Variants in CLDN10 observed in about 807,000 individuals in gnomAD.
CLDN10 encodes the protein claudin-10.
A neutral mutation model predicts 22.9 loss-of-function variants in CLDN10; 15 were observed. The observed-to-expected ratio is 0.65, with a 90% CI of 0.44 to 1.01. CLDN10 has a LOEUF of 1.01. CLDN10 is among the 50% of genes least tolerant of loss of function. The pLI is 0.00. For missense variants in CLDN10, 247 were observed against 287.8 expected, an observed-to-expected ratio of 0.86 and a Z score of 1.03; for synonymous variants, 114 against 111.4, an observed-to-expected ratio of 1.02 and a Z score of -0.15.
chr13:95,466,110 A>AAATAAAT (rs2042579299), intron 1 of CLDN10, among the ~76,000 whole-genome samples: 1 of 151,760 alleles, frequency 6.6e-6, no homozygotes, highest in African/African-American at 2.4e-5. Context: ...TTTACTATTA[A>AAATAAAT]AAATAGTGGT....
chr13:95,552,603 G>T (rs1594606630), upstream of CLDN10: 5 of 961,370 alleles, frequency 5.2e-6, no homozygotes, highest in East Asian at 1.6e-4. Flanking sequence ...GAGGGGTCGC[G>T]TGCGCCCCCT....
intron 1 of CLDN10, among the ~76,000 whole-genome samples, chr13:95,518,346 G>T (rs917869223): frequency 8.5e-5 from 13 of 152,118 alleles, no homozygotes; most frequent in South Asian, 2.1e-4. Flanking sequence ...AAAAACTGAT[G>T]ATCTAAGTCA....
chr13:95,560,241 T>C lies in CLDN10; in HGVS notation c.330T>C (p.Asp110=), dbSNP rs749359616. The change falls in exon 2 of 5, where the codon GAT becomes GAC. Residue 110 remains aspartate (D), a synonymous_variant. Transcript: ENST00000299339. ...GMKCTKVGGS[D]KAKAKIACLA... ...AGTGTACCAAAGTCGGAGGCTCCGA[T>C]AAAGCCAAAGCTAAAATTGCTTGTT... 9.3e-6 allele frequency: 15 copies of C among 1,614,228 alleles called. No homozygotes were observed. Among genetic ancestry groups the C allele is most frequent in the African/African-American group, 1.3e-5 (1 of 75,072 alleles).
At chr13:95,526,773 G>A (rs2043285679) in intron 1 of CLDN10, among the ~76,000 whole-genome samples, 1 of 146,308 alleles carries the variant, frequency 6.8e-6, no homozygotes, top group South Asian at 2.2e-4. Flanking sequence ...GGCAATAAGA[G>A]TGAAATTCCA....
intron 4 of CLDN10, 40 bp from the exon 5 acceptor site, chr13:95,577,860 G>A (rs1174514507): frequency 1.5e-6 from 2 of 1,355,740 alleles, no homozygotes; most frequent in South Asian, 1.2e-5. Flanking sequence ...TTTGCCCTAT[G>A]TGTAGAATAG....
At chr13:95,517,830 A>G (rs1045659373) in intron 1 of CLDN10, among the ~76,000 whole-genome samples, 2 of 148,846 alleles carry the variant, frequency 1.3e-5, no homozygotes, top group Non-Finnish European at 3.0e-5. Flanking sequence ...GCTACTCAGG[A>G]GGGTAAGGCA....
upstream of CLDN10, among the ~76,000 whole-genome samples, chr13:95,552,496 C>T (rs2043576968): frequency 6.6e-6 from 1 of 152,014 alleles, no homozygotes; most frequent in African/African-American, 2.4e-5. Context: ...GCAGGCCGGC[C>T]TTCCTCCCGC....
At chr13:95,568,084 T>A (rs1235972998) in intron 3 of CLDN10, among the ~76,000 whole-genome samples, 1 of 152,212 alleles carries the variant, frequency 6.6e-6, no homozygotes, top group African/African-American at 2.4e-5. Context: ...GGTGACCTTG[T>A]CAAGATGTTT....
At chr13:95,541,016 C>A (rs892255417) in intron 1 of CLDN10, among the ~76,000 whole-genome samples, 1 of 152,236 alleles carries the variant, frequency 6.6e-6, no homozygotes, top group African/African-American at 2.4e-5. Flanking sequence ...GGAATGGCCA[C>A]GTGGCCCAGT....
intron 1 of CLDN10, among the ~76,000 whole-genome samples, chr13:95,453,108 A>G (rs1566278211): frequency 6.6e-6 from 1 of 152,066 alleles, no homozygotes; most frequent in African/African-American, 2.4e-5. Flanking sequence ...TATTTTTGTA[A>G]AAGTTATTGT....
rs1024376227 is a variant in CLDN10, at chr13:95,578,343, G to A, written c.*329G>A. On this transcript the variant is annotated 3_prime_UTR_variant, in exon 5 of 5. Coordinates refer to ENST00000299339, the MANE Select transcript of CLDN10 (RefSeq NM_006984.5). ...CCTTTTTAATCATTCATAGATAGAA[G>A]TCTTTGTACCCACTCCTTATGTTTC... 5.9e-6 allele frequency: 1 copy of A among 169,684 alleles called. No homozygotes were observed. Among genetic ancestry groups the A allele is most frequent in the Non-Finnish European group, 1.3e-5 (1 of 79,658 alleles). The allele number at this position is 169,684 out of a possible 1,614,324, so 10.5% of individuals were successfully genotyped here. A position where few individuals can be genotyped will look rare whatever the true frequency, so the allele number is the denominator to read the frequency against.
chr13:95,455,818 C>T (rs2042477493), intron 1 of CLDN10, among the ~76,000 whole-genome samples: 1 of 152,154 alleles, frequency 6.6e-6, no homozygotes, highest in South Asian at 2.1e-4. Flanking sequence ...AACTAAAAAT[C>T]TCCCAGTGAG....
At chr13:95,490,126 T>C (rs1018162939) in intron 1 of CLDN10, among the ~76,000 whole-genome samples, 2 of 152,204 alleles carry the variant, frequency 1.3e-5, no homozygotes, top group Admixed American at 6.6e-5. Context: ...TATGGCTTTA[T>C]AGTATAGTTT....
chr13:95,553,071 A>C, intron 1 of CLDN10, 98 bp downstream of exon 1: 1 of 1,487,394 alleles, frequency 6.7e-7, no homozygotes, highest in Non-Finnish European at 9.0e-7. Flanking sequence ...GGACCCCTAG[A>C]CTGGACTCCT....
intron 1 of CLDN10, among the ~76,000 whole-genome samples, chr13:95,484,783 T>C (rs1337517381): frequency 6.7e-6 from 1 of 148,880 alleles, no homozygotes; most frequent in African/African-American, 2.5e-5. Flanking sequence ...CAAGAATCGC[T>C]TGGACCCAGG....
At chr13:95,527,758 A>C (rs2043299592) in intron 1 of CLDN10, among the ~76,000 whole-genome samples, 1 of 152,152 alleles carries the variant, frequency 6.6e-6, no homozygotes, top group Non-Finnish European at 1.5e-5. Flanking sequence ...AACAAAAATA[A>C]ATAAATAAAC....
At chr13:95,505,982 C>T (rs1322997766) in intron 1 of CLDN10, among the ~76,000 whole-genome samples, 4 of 152,130 alleles carry the variant, frequency 2.6e-5, no homozygotes, top group Non-Finnish European at 5.9e-5. Flanking sequence ...TCTGGTGATC[C>T]ACCTGCCTCG....
At chr13:95,437,750 C>T (rs535858614) in intron 1 of CLDN10, among the ~76,000 whole-genome samples, 4 of 152,126 alleles carry the variant, frequency 2.6e-5, no homozygotes, top group Non-Finnish European at 5.9e-5. Context: ...AGGAAATGAG[C>T]GCAGGCAACC....
At chr13:95,458,110 C>T (rs1166178663) in intron 1 of CLDN10, among the ~76,000 whole-genome samples, 3 of 152,128 alleles carry the variant, frequency 2.0e-5, no homozygotes, top group Non-Finnish European at 2.9e-5. Flanking sequence ...GAACAGTAGG[C>T]TTGCCTGAGC....
Sources: gnomAD v4.1 joint callset for allele counts (sites outside exome capture counted in the v4.1 genomes callset) on GRCh38, gnomAD v4.1.1 for gene constraint, MANE v1.5 for transcripts, NCBI Gene and HGNC (gene_info 2026-07-23, HGNC 2026-07-21) for gene names.